Variants in DQX1 observed in about 807,000 individuals in gnomAD.
The protein encoded by DQX1 is ATP-dependent RNA helicase homolog DQX1.
DQX1 carries 66 observed loss-of-function variants against 81.3 expected under a neutral mutation model. The observed-to-expected ratio is 0.81, with a 90% CI of 0.67 to 1.00. The LOEUF (loss-of-function observed/expected upper bound fraction) is 1.00, where lower values mean the gene tolerates loss of function less well. Ranked by LOEUF, DQX1 falls within the 50% of genes least tolerant of loss-of-function variation. The probability of loss-of-function intolerance (pLI) is 0.00; values close to 1 mark genes in which losing one functional copy is unlikely to be tolerated. For synonymous variants in DQX1, 290 were observed against 350.0 expected (o/e 0.83, Z 1.91); for missense variants, 798 against 867.9 (o/e 0.92, Z 1.01).
intron 10 of DQX1, 127 bp downstream of exon 10, chr2:74,519,429 G>A: frequency 7.2e-7 from 1 of 1,396,356 alleles, no homozygotes; most frequent in East Asian, 2.3e-5. Flanking sequence ...CAAGGGAAAA[G>A]TCCTTTCTGG....
Position 74,519,592 on chromosome 2 carries a change from G to A in DQX1, c.1770C>T (p.Asp590=), listed in dbSNP as rs778097007. The change falls in exon 10 of 12, where the codon GAC becomes GAT. Residue 590 remains aspartate (D), a synonymous_variant. Transcript: ENST00000404568. ...ATCCTGACACCAGTGCTTTCTGAAG[G>A]TCTCTGCGATTCTGCTCAGAGCCAA... is the stretch of plus-strand genomic sequence containing the variant. ...PAFGSEQNRR[D]LQKALVSGYF... 1 of 1,614,176 alleles carries A rather than the reference G, an allele frequency of 6.2e-7. No homozygotes were observed. Among genetic ancestry groups the A allele is most frequent in the South Asian group, 1.1e-5 (1 of 91,082 alleles).
In DQX1 at chr2:74,518,596, C is replaced by T. The variant is rs1457576037; in HGVS notation, c.2004G>A (p.Val668=). The T allele has an allele frequency of 1.2e-6, 2 of 1,614,092 alleles. No individual in the cohort carries two copies. The highest frequency in any genetic ancestry group is 2.2e-5 in the East Asian group (1 of 44,886). Residue 668 remains valine (V), a synonymous_variant, in exon 12 of 12, where the codon GTG becomes GTA. Transcript: ENST00000404568. The stretch of plus-strand genomic sequence containing the variant: ...TCAGGAAGTATGGAGGGGCCAATTC[C>T]ACCAGCCTAATAGAGAGAGTCATAA... ...IVSEIQPQML[V]ELAPPYFLSN...
rs1558600639 is a variant in DQX1, at chr2:74,519,224, T to C, written c.1813A>G (p.Arg605Gly). ...TAATTTCCAGTCCCGTCTGTGTCTCTGGCCACCTTATTGAAAGGCAGAAAT... is the reference window on the plus strand; with the variant it reads ...TAATTTCCAGTCCCGTCTGTGTCTCCGGCCACCTTATTGAAAGGCAGAAAT... The part of the protein sequence containing the change: ...LVSGYFLKVA[R>G]DTDGTGNYLL... The change falls in exon 11 of 12, where the codon AGA becomes GGA. Residue 605 changes from arginine to glycine, a missense_variant. Arg to Gly is a moderately radical substitution (Grantham distance 125, BLOSUM62 -2). Transcript: ENST00000404568. 1 of 1,556,410 alleles carries C rather than the reference T, an allele frequency of 6.4e-7. No individual in the cohort carries two copies.
In DQX1 at chr2:74,523,158, C is replaced by T; in HGVS notation, c.1105G>A (p.Ala369Thr). ...CTTGCTCGCAATCGTCTTGCCTCTG[C>T]CTGACACTTGCTGATTGGCCTCAAC... The part of the protein sequence containing the change: ...QVLRPISKCQ[A>T]EARRLRARGF... The change falls in exon 6 of 12, where the codon GCA becomes ACA. Residue 369 changes from alanine to threonine, a missense_variant. Physicochemically the swap from Ala to Thr is moderately conservative, Grantham distance 58. Coordinates refer to ENST00000404568, the MANE Select transcript of DQX1 (RefSeq NM_133637.3). 1 of 1,614,172 alleles carries T rather than the reference C, an allele frequency of 6.2e-7. No homozygotes were observed. The highest frequency in any genetic ancestry group is 8.5e-7 in the Non-Finnish European group (1 of 1,180,022).
intron 8 of DQX1, 44 bp from the exon 9 acceptor site, chr2:74,520,078 T>G (rs188530667): frequency 9.9e-5 from 159 of 1,599,928 alleles, no homozygotes; most frequent in Non-Finnish European, 1.3e-4. Flanking sequence ...ATTTGGGAAA[T>G]GGGAAGGGAT....
Position 74,519,089 on chromosome 2 carries a change from T to C in DQX1, c.1948A>G (p.Ile650Val), listed in dbSNP as rs1674958747. Residue 650 changes from isoleucine (I) to valine (V), a missense_variant, in exon 11 of 12, where the codon ATA (isoleucine) becomes GTA (valine). By Grantham distance (29) the Ile-to-Val change is conservative (BLOSUM62 3). Coordinates refer to ENST00000404568, the MANE Select transcript of DQX1 (RefSeq NM_133637.3). ...ATGGAAAGGCAGTTGTCTTTGGATA[T>C]GGTGAAATTGTGGTAGAGCACCCAT... The part of the protein sequence containing the change: ...PPWVLYHNFT[I>V]SKDNCLSIVS... 1 of 1,601,106 alleles carries C rather than the reference T, an allele frequency of 6.2e-7. No homozygotes were observed. The highest frequency in any genetic ancestry group is 8.5e-7 in the Non-Finnish European group (1 of 1,175,722).
rs1558600523 is a variant in DQX1 at position 74,519,077 on chromosome 2, T to C, written c.1960A>G (p.Asn654Asp). The C allele has an allele frequency of 7.5e-6, 12 of 1,600,942 alleles. No homozygotes were observed. The highest frequency in any genetic ancestry group is 1.3e-5 in the African/African-American group (1 of 74,268). ...LYHNFTISKD[N>D]CLSIVSEIQP... ...ATCTCAGAAACAATGGAAAGGCAGTTGTCTTTGGATATGGTGAAATTGTGG... is the reference window on the plus strand; with the variant it reads ...ATCTCAGAAACAATGGAAAGGCAGTCGTCTTTGGATATGGTGAAATTGTGG... The change falls in exon 11 of 12, where the codon AAC (asparagine) becomes GAC (aspartate). Residue 654 changes from asparagine (N) to aspartate (D), a missense_variant. Physicochemically the swap from Asn to Asp is conservative, Grantham distance 23 (BLOSUM62 1). Coordinates refer to ENST00000404568, the MANE Select transcript of DQX1 (RefSeq NM_133637.3).
At chr2:74,520,708 C>G (rs575184015) in intron 8 of DQX1, among the ~76,000 whole-genome samples, 1 of 152,080 alleles carries the variant, frequency 6.6e-6, no homozygotes, top group Non-Finnish European at 1.5e-5. Context: ...GGGTCTCACT[C>G]TCTTGCCCAG....
At chr2:74,522,512 G>A (rs904211418) in intron 8 of DQX1, 68 bp downstream of exon 8, 18 of 1,546,228 alleles carry the variant, frequency 1.2e-5, no homozygotes, top group Admixed American at 3.8e-5. Flanking sequence ...AGCCTCAGGA[G>A]CACCAAAACC....
Position 74,525,055 on chromosome 2 carries a change from A to G in DQX1, c.385T>C (p.Tyr129His). The part of the protein sequence containing the change: ...MDLTLGHEVG[Y>H]SIPQEDCTGP... ...GTGCAGTCCTCCTGGGGGATGCTGT[A>G]TCCAACCTCATGACCCAGGGTCAGG... is the stretch of plus-strand genomic sequence containing the variant. The change falls in exon 3 of 12, where the codon TAC becomes CAC. Residue 129 changes from tyrosine to histidine, a missense_variant. Physicochemically the swap from Tyr to His is moderately conservative, Grantham distance 83. Transcript: ENST00000404568. This position sits in a 1 kb window ranked among gnomAD's most constrained non-coding sequence, Gnocchi z 4.1. The G allele has an allele frequency of 6.2e-7, 1 of 1,614,142 alleles. No individual in the cohort carries two copies. The highest frequency in any genetic ancestry group is 8.5e-7 in the Non-Finnish European group (1 of 1,180,000).
chr2:74,519,371 C>T (rs1674968028), intron 10 of DQX1, 141 bp from the exon 11 acceptor site: 2 of 1,236,138 alleles, frequency 1.6e-6, no homozygotes. Flanking sequence ...TGTCTGGTCT[C>T]TACTATACCT....
chr2:74,524,705 C>A (rs550691953), intron 3 of DQX1, among the ~76,000 whole-genome samples: 2 of 151,992 alleles, frequency 1.3e-5, no homozygotes, highest in African/African-American at 4.8e-5. Context: ...TTGAGACCAG[C>A]CTGGGCAACA....
In DQX1 at chr2:74,522,713, A is replaced by G; in HGVS notation, c.1362T>C (p.Asp454=). The change falls in exon 8 of 12, where the codon GAT becomes GAC. Residue 454 remains aspartate (D), a synonymous_variant. Coordinates refer to ENST00000404568, the MANE Select transcript of DQX1 (RefSeq NM_133637.3). ...CACCCAGATCTGACAGGTCCCCATC[A>G]TCATCCAGGGCTGCCAGATAGTCTA... is the stretch of plus-strand genomic sequence containing the variant. ...EDLDYLAALD[D]DGDLSDLGVI... 1 of 1,614,240 alleles carries G rather than the reference A, an allele frequency of 6.2e-7. No homozygotes were observed. Among genetic ancestry groups the G allele is most frequent in the South Asian group, 1.1e-5 (1 of 91,086 alleles).
intron 8 of DQX1, among the ~76,000 whole-genome samples, chr2:74,520,907 A>G (rs972109123): frequency 4.6e-5 from 7 of 152,116 alleles, no homozygotes; most frequent in Non-Finnish European, 7.3e-5. Context: ...TCCTGACCTC[A>G]TGTGATCCTC....
chr2:74,523,044 C>T, intron 6 of DQX1, 30 bp from the exon 7 acceptor site: 1 of 1,613,868 alleles, frequency 6.2e-7, no homozygotes, highest in African/African-American at 1.3e-5. Flanking sequence ...GGAAAGAAGA[C>T]CACTGTAGAT....
chr2:74,524,069 T>A lies in DQX1; in HGVS notation c.670A>T (p.Ile224Leu). The A allele has an allele frequency of 6.2e-7, 1 of 1,614,176 alleles. No individual in the cohort carries two copies. The highest frequency in any genetic ancestry group is 8.5e-7 in the Non-Finnish European group (1 of 1,180,032). ...GGTCTCTCACCAGGCTCTCTGGGTA[T>A]ATGCACAATAGGAGGATTGCCCCAG... is the stretch of plus-strand genomic sequence containing the variant. ...AFWGNPPIVH[I>L]PREPGERPSP... Residue 224 changes from isoleucine (I) to leucine (L), a missense_variant, in exon 4 of 12, where the codon ATA (isoleucine) becomes TTA (leucine). Coordinates refer to ENST00000404568, the MANE Select transcript of DQX1 (RefSeq NM_133637.3).
At chr2:74,519,408 C>T in intron 10 of DQX1, 148 bp downstream of exon 10, 2 of 1,295,726 alleles carry the variant, frequency 1.5e-6, no homozygotes, top group East Asian at 2.3e-5. Context: ...GCCCCTTGTA[C>T]CTCAAATCCT....
At position 74,525,175 on chromosome 2, in the gene DQX1, G is replaced by A; in HGVS notation, c.265C>T (p.Leu89=). 1.3e-6 allele frequency: 2 copies of A among 1,598,970 alleles called. No homozygotes were observed. The highest frequency in any genetic ancestry group is 1.7e-6 in the Non-Finnish European group (2 of 1,171,192). The stretch of plus-strand genomic sequence containing the variant: ...TGTCCTTTCTGGAACCCTCTGGCCA[G>A]CGCAAACTCTGCACACCACTGAGGG... ...QIPQWCAEFA[L]ARGFQKGQVT... The change falls in exon 3 of 12, where the codon CTG becomes TTG. Residue 89 remains leucine (L), a synonymous_variant. Transcript: ENST00000404568. This position sits in a 1 kb window ranked among gnomAD's most constrained non-coding sequence, Gnocchi z 4.1.
chr2:74,519,770 A>C, intron 9 of DQX1, 24 bp from the exon 10 acceptor site: 1 of 1,613,116 alleles, frequency 6.2e-7, no homozygotes, highest in South Asian at 1.1e-5. Flanking sequence ...GGGACCAGCT[A>C]AACTAAAGTC....
Sources: gnomAD v4.1 joint callset for allele counts (sites outside exome capture counted in the v4.1 genomes callset) on GRCh38, gnomAD v4.1.1 for gene constraint, Gnocchi (gnomAD v3.1) non-coding constraint, MANE v1.5 for transcripts, NCBI Gene and HGNC (gene_info 2026-07-23, HGNC 2026-07-21) for gene names.